Variants in ADAMTS20 observed in about 807,000 individuals in gnomAD.
The protein encoded by ADAMTS20 is ADAM metallopeptidase with thrombospondin type 1 motif 20.
A neutral mutation model predicts 260.1 loss-of-function variants in ADAMTS20; 225 were observed. That is an observed-to-expected ratio of 0.87 (90% confidence interval 0.78 to 0.97). The LOEUF (loss-of-function observed/expected upper bound fraction) is 0.97, where lower values mean the gene tolerates loss of function less well. Among genes scored for constraint, ADAMTS20 ranks in the 50% least tolerant of loss-of-function variants. ADAMTS20 has a pLI of 0.00. For missense variants in ADAMTS20, 2,400 were observed against 2,337.7 expected (o/e 1.03, Z -0.55); for synonymous variants, 802 against 769.5 (o/e 1.04, Z -0.70).
chr12:43,440,247 C>T (rs934557588), intron 16 of ADAMTS20, among the ~76,000 whole-genome samples, 178 bp from the exon 17 acceptor site: 1 of 145,756 alleles, frequency 6.9e-6, no homozygotes, highest in Non-Finnish European at 1.5e-5. Context: ...CTCTTGGATT[C>T]AAACAATTCT....
chr12:43,454,140 G>C, intron 11 of ADAMTS20, 88 bp from the exon 12 acceptor site: 1 of 1,407,162 alleles, frequency 7.1e-7, no homozygotes, highest in Non-Finnish European at 9.5e-7. Flanking sequence ...AAGATCAACA[G>C]AAGAACAAAC....
At position 43,383,611 on chromosome 12, in the gene ADAMTS20, T is replaced by C. The variant is rs1940402624; in HGVS notation, c.4744A>G (p.Asn1582Asp). 6.2e-7 allele frequency: 1 copy of C among 1,613,786 alleles called. No individual in the cohort carries two copies. The highest frequency in any genetic ancestry group is 8.5e-7 in the Non-Finnish European group (1 of 1,179,800). Residue 1582 changes from asparagine (N) to aspartate (D), a missense_variant, in exon 31 of 39, where the codon AAT (asparagine) becomes GAT (aspartate). Asn to Asp is a conservative substitution (Grantham distance 23). Coordinates refer to ENST00000389420, the MANE Select transcript of ADAMTS20 (RefSeq NM_025003.5). Reference sequence around the variant, plus strand: ...TAATTGCAAGGAGGGTTCCTGCAATTCTTGGATGTAAGAGATATGGTTGAA... The same window carrying C: ...TAATTGCAAGGAGGGTTCCTGCAATCCTTGGATGTAAGAGATATGGTTGAA... ...NSSTISLTSK[N>D]CRNPPCNYIV...
intron 29 of ADAMTS20, among the ~76,000 whole-genome samples, chr12:43,387,252 T>C (rs916986890): frequency 1.3e-5 from 2 of 152,222 alleles, no homozygotes; most frequent in African/African-American, 4.8e-5. Context: ...GCCCCTCTGT[T>C]GCAGGTCTGC....
At chr12:43,485,075 A>G (rs1447950286) in intron 7 of ADAMTS20, among the ~76,000 whole-genome samples, 1 of 144,052 alleles carries the variant, frequency 6.9e-6, no homozygotes, top group Non-Finnish European at 1.5e-5. Context: ...CCCTGATACC[A>G]GTCAAGAAAG....
chr12:43,524,673 G>T (rs1441686535), intron 3 of ADAMTS20, among the ~76,000 whole-genome samples: 2 of 152,122 alleles, frequency 1.3e-5, no homozygotes, highest in Non-Finnish European at 2.9e-5. Flanking sequence ...AAATCAATCA[G>T]AACTTCTAGA....
At chr12:43,485,452 C>T (rs1942509375) in intron 7 of ADAMTS20, among the ~76,000 whole-genome samples, 1 of 152,124 alleles carries the variant, frequency 6.6e-6, no homozygotes, top group African/African-American at 2.4e-5. Context: ...GACAAACCCA[C>T]AGCCACTATC....
intron 18 of ADAMTS20, among the ~76,000 whole-genome samples, chr12:43,437,617 C>T (rs886936815): frequency 4.6e-5 from 7 of 152,152 alleles, no homozygotes; most frequent in African/African-American, 1.4e-4. Flanking sequence ...ACCAGCTAAA[C>T]TATTGATCGA....
chr12:43,440,881 A>C lies in ADAMTS20; in HGVS notation c.2291-812T>G, dbSNP rs145505942. Among the ~76,000 whole-genome samples the C allele has an allele frequency of 8.6e-4, 131 of 152,186 alleles. 1 individual carries two copies. In the East Asian group the frequency reaches 0.023, roughly 27 times the overall value. On this transcript the variant is annotated intron_variant, in intron 16 of 38. Coordinates refer to ENST00000389420, the MANE Select transcript of ADAMTS20 (RefSeq NM_025003.5). Reference sequence around the variant, plus strand: ...AGATCGAGATCATCCTGGCTAACACAGTGAAACCCCGTCTCTAGTAAAAAT... The same window carrying C: ...AGATCGAGATCATCCTGGCTAACACCGTGAAACCCCGTCTCTAGTAAAAAT...
At chr12:43,382,561 G>A (rs1940376826) in intron 31 of ADAMTS20, among the ~76,000 whole-genome samples, 1 of 152,070 alleles carries the variant, frequency 6.6e-6, no homozygotes, top group African/African-American at 2.4e-5. Flanking sequence ...TTAGATCATG[G>A]TGATGCTTGC....
intron 28 of ADAMTS20, among the ~76,000 whole-genome samples, chr12:43,410,768 TGC>T (rs1169864147): frequency 1.1e-4 from 16 of 152,188 alleles, no homozygotes; most frequent in Admixed American, 1.0e-3. Flanking sequence ...TTCAAATATT[TGC>T]CCTATAGAGG....
intron 24 of ADAMTS20, among the ~76,000 whole-genome samples, chr12:43,429,084 A>C (rs955031314): frequency 8.5e-5 from 13 of 152,208 alleles, no homozygotes; most frequent in African/African-American, 3.1e-4. Context: ...AATTAAAGAT[A>C]CTTAAAATAT....
chr12:43,370,764 C>T (rs1940090502), intron 36 of ADAMTS20, among the ~76,000 whole-genome samples: 1 of 152,208 alleles, frequency 6.6e-6, no homozygotes. Context: ...AACTGTACTA[C>T]CATCTGTCTT....
chr12:43,492,396 G>GAAAA (rs398019322), intron 6 of ADAMTS20, 109 bp downstream of exon 6: 304 of 1,284,900 alleles, frequency 2.4e-4, no homozygotes, highest in East Asian at 6.7e-4. Flanking sequence ...AAAAGAAAAA[G>GAAAA]AAAAAGAAAA....
At chr12:43,415,809 A>G (rs546128588) in intron 28 of ADAMTS20, among the ~76,000 whole-genome samples, 1 of 152,312 alleles carries the variant, frequency 6.6e-6, no homozygotes, top group East Asian at 1.9e-4. Context: ...AACTCTTGGT[A>G]AATGAAAGTT....
intron 20 of ADAMTS20, 43 bp from the exon 21 acceptor site, chr12:43,432,511 G>A: frequency 6.3e-7 from 1 of 1,588,746 alleles, no homozygotes. Flanking sequence ...AAAAAAATCA[G>A]ATTTTCAACA....
chr12:43,431,111 A>G (rs1332959756), intron 22 of ADAMTS20, among the ~76,000 whole-genome samples: 1 of 152,252 alleles, frequency 6.6e-6, no homozygotes, highest in African/African-American at 2.4e-5. Flanking sequence ...TTTGGTTAAC[A>G]AAAGGGAATT....
intron 7 of ADAMTS20, among the ~76,000 whole-genome samples, chr12:43,484,332 T>C (rs1394471039): frequency 1.3e-5 from 2 of 152,042 alleles, no homozygotes; most frequent in Admixed American, 1.3e-4. Flanking sequence ...TAAGCCAAAA[T>C]GAAATCTTTG....
intron 3 of ADAMTS20, among the ~76,000 whole-genome samples, chr12:43,521,830 A>G (rs756935977): frequency 6.6e-6 from 1 of 152,026 alleles, no homozygotes; most frequent in Non-Finnish European, 1.5e-5. Context: ...TACTCTCCTG[A>G]TATAGTAAAT....
intron 29 of ADAMTS20, among the ~76,000 whole-genome samples, chr12:43,395,642 A>G (rs1262149811): frequency 1.4e-5 from 2 of 146,462 alleles, no homozygotes; most frequent in Admixed American, 1.4e-4. Flanking sequence ...GGCTGATTTG[A>G]CCTGGTTCTA....
Sources: allele counts gnomAD v4.1 joint callset (sites outside exome capture counted in the v4.1 genomes callset), GRCh38; gene constraint gnomAD v4.1.1; transcripts MANE v1.5; gene names NCBI Gene and HGNC (gene_info 2026-07-23, HGNC 2026-07-21).